GRIN2C: variants seen among roughly 807,000 people sequenced by gnomAD.
The protein encoded by GRIN2C is glutamate receptor ionotropic, NMDA 2C.
In GRIN2C, 64 loss-of-function variants were observed where a neutral mutation model predicts 77.7. The ratio of observed to expected loss-of-function variants is 0.82; its 90% CI spans 0.67 to 1.01. The LOEUF is 1.01. Ranked by LOEUF, GRIN2C falls within the 50% of genes least tolerant of loss-of-function variation. GRIN2C has a pLI of 0.00. For missense variants in GRIN2C, 1,549 were observed against 1,486.0 expected (o/e 1.04, Z -0.70); for synonymous variants, 792 against 643.4 (o/e 1.23, Z -3.49).
chr17:74,845,090 TG>T (rs1425622427), intron 11 of GRIN2C, among the ~76,000 whole-genome samples: 2 of 151,190 alleles, frequency 1.3e-5, no homozygotes, highest in Admixed American at 6.6e-5. Context: ...CCACCACACC[TG>T]GCTAATTTTT....
rs775823808 is a variant in GRIN2C at position 74,849,752 on chromosome 17, A to C, written c.1645+28T>G. On this transcript the variant is annotated intron_variant, in intron 7 of 12. Coordinates refer to ENST00000293190, the MANE Select transcript of GRIN2C (RefSeq NM_000835.6). This position sits in a 1 kb window ranked among gnomAD's most constrained non-coding sequence, Gnocchi z 4.6. ...TCCTCGTGGGCCCCTCTGCCCCCGG[A>C]GCCGTCTCTGCCCACCCTGGGCCTC... is the stretch of plus-strand genomic sequence containing the variant. 1.9e-6 allele frequency: 3 copies of C among 1,597,330 alleles called. No homozygotes were observed. Among genetic ancestry groups the C allele is most frequent in the Non-Finnish European group, 2.6e-6 (3 of 1,175,008 alleles).
chr17:74,859,321 C>A lies in GRIN2C; in HGVS notation c.-16+423G>T, dbSNP rs112047077. On this transcript the variant is annotated intron_variant, in intron 1 of 12. Transcript: ENST00000293190. This position sits in a 1 kb window ranked among gnomAD's most constrained non-coding sequence, Gnocchi z 5.9. The stretch of plus-strand genomic sequence containing the variant: ...AGAAGGGTCTGAGCACCTTCCCAGG[C>A]TGGGGGCCTTCTCCTTCCCGGGTCC... 1.1e-3 allele frequency among the ~76,000 whole-genome samples: 169 copies of A among 152,320 alleles called. 1 individual carries two copies. The highest frequency in any genetic ancestry group is 2.0e-3 in the Non-Finnish European group (139 of 68,024).
In GRIN2C at chr17:74,843,519, A is replaced by C. The variant is rs761544024; in HGVS notation, c.2618T>G (p.Leu873Arg). The C allele has an allele frequency of 2.6e-6, 4 of 1,533,210 alleles. No individual in the cohort carries two copies. The South Asian group carries it at 4.8e-5, about 18-fold the overall frequency. 95.0% of individuals were successfully genotyped at this position (1,533,210 alleles called of 1,614,324 possible). Reference sequence around the variant, plus strand: ...GCTGGCCTGCCGCGGTGGGCTGGCGAGGCTCTGCACCCCGCTGAAGCAGCT... The same window carrying C: ...GCTGGCCTGCCGCGGTGGGCTGGCGCGGCTCTGCACCCCGCTGAAGCAGCT... ...IYSCFSGVQSLASPPRQASPD... is the reference protein window; with the variant it reads ...IYSCFSGVQSRASPPRQASPD... Residue 873 changes from leucine (L) to arginine (R), a missense_variant, in exon 13 of 13, where the codon CTC becomes CGC. Physicochemically the swap from Leu to Arg is moderately radical, Grantham distance 102 (BLOSUM62 -2). Transcript: ENST00000293190.
In GRIN2C at chr17:74,846,161, T is replaced by C. The variant is rs749397191; in HGVS notation, c.2255A>G (p.Lys752Arg). The C allele has an allele frequency of 5.0e-6, 8 of 1,614,172 alleles. No individual in the cohort carries two copies. The highest frequency in any genetic ancestry group is 1.6e-4 in the Middle Eastern group (1 of 6,062). ...GCCGTAGCCAGTGGTAGCAAAGACC[T>C]TGCCAGACCCAATGGTGACCAGCTT... is the stretch of plus-strand genomic sequence containing the variant. ...GCKLVTIGSG[K>R]VFATTGYGIA... The change falls in exon 11 of 13, where the codon AAG becomes AGG. Residue 752 changes from lysine (K) to arginine (R), a missense_variant. Physicochemically the swap from Lys to Arg is conservative, Grantham distance 26. This residue lies in a region of GRIN2C where 717 missense variants were observed against 858.1 expected (regional missense o/e 0.84). Transcript: ENST00000293190. The surrounding 1 kb of genome is among the most constrained non-coding windows in gnomAD (Gnocchi z 4.4).
In GRIN2C at chr17:74,846,833, G is replaced by C; in HGVS notation, c.2089C>G (p.Arg697Gly). 3 of 1,614,158 alleles carry C rather than the reference G, an allele frequency of 1.9e-6. No homozygotes were observed. The highest frequency in any genetic ancestry group is 2.5e-6 in the Non-Finnish European group (3 of 1,180,024). The change falls in exon 10 of 13, where the codon CGT (arginine) becomes GGT (glycine). Residue 697 changes from arginine to glycine, a missense_variant. By Grantham distance (125) the Arg-to-Gly change is moderately radical (BLOSUM62 -2). This residue lies in a region of GRIN2C where 717 missense variants were observed against 858.1 expected (regional missense o/e 0.84). Transcript: ENST00000293190. This position sits in a 1 kb window ranked among gnomAD's most constrained non-coding sequence, Gnocchi z 4.4. ...TTGACCATGTGGGTGTGCATGTCAC[G>C]GTAGTTACTGCGGATGTTCCGCTCC... ...STERNIRSNY[R>G]DMHTHMVKFN...
Position 74,852,566 on chromosome 17 carries a change from G to GCTGCTC in GRIN2C, c.439_444dup (p.Glu147_Gln148dup). 1 of 1,499,950 alleles carries GCTGCTC rather than the reference G, an allele frequency of 6.7e-7. No homozygotes were observed. Among genetic ancestry groups the GCTGCTC allele is most frequent in the South Asian group, 1.3e-5 (1 of 77,522 alleles). 92.9% of individuals were successfully genotyped at this position (1,499,950 alleles called of 1,614,324 possible). On this transcript the variant is annotated inframe_insertion, in exon 3 of 13. Transcript: ENST00000293190. ...AGCACCTTGAACAGCACCTGCAGCT[G>GCTGCTC]CTGCTCCAGGGACACGCCCAGCTGC...
intron 4 of GRIN2C, chr17:74,851,006 C>T: frequency 1.7e-6 from 1 of 577,764 alleles, no homozygotes; most frequent in Non-Finnish European, 3.1e-6. Context: ...CTGTACTGGT[C>T]CCCCCTGACT....
rs185536398 is a variant in GRIN2C, at chr17:74,847,648, G to A, written c.1772-111C>T. On this transcript the variant is annotated intron_variant, in intron 8 of 12. Transcript: ENST00000293190. The surrounding 1 kb of genome is among the most constrained non-coding windows in gnomAD (Gnocchi z 5.2). ...CCGGTCTCAGCCTGGCCTTGGGGGG[G>A]ACGCGTCCTGGCCATTCCCTCGCCA... 1.0e-3 allele frequency: 955 copies of A among 921,186 alleles called. 1 individual carries two copies. The highest frequency in any genetic ancestry group is 1.4e-3 in the Non-Finnish European group (827 of 597,294). 57.1% of individuals were successfully genotyped at this position (921,186 alleles called of 1,614,324 possible).
At position 74,843,312 on chromosome 17, in the gene GRIN2C, G is replaced by T; in HGVS notation, c.2825C>A (p.Pro942His). Reference sequence around the variant, plus strand: ...GTCGGGGGTGGGCAGGCATGGGCTGGGGCCAGACCGCGGGGTCGGGCAGGG... The same window carrying T: ...GTCGGGGGTGGGCAGGCATGGGCTGTGGCCAGACCGCGGGGTCGGGCAGGG... ...PSPCPTPRSG[P>H]SPCLPTPDPP... The change falls in exon 13 of 13, where the codon CCC (proline) becomes CAC (histidine). Residue 942 changes from proline to histidine, a missense_variant. Physicochemically the swap from Pro to His is moderately conservative, Grantham distance 77 (BLOSUM62 -2). Around this residue, in one of 3 missense-constraint regions of GRIN2C, gnomAD observed 450 missense variants for 267.9 expected, o/e 1.68. Coordinates refer to ENST00000293190, the MANE Select transcript of GRIN2C (RefSeq NM_000835.6). 1 of 1,405,452 alleles carries T rather than the reference G, an allele frequency of 7.1e-7. No individual in the cohort carries two copies. The highest frequency in any genetic ancestry group is 9.6e-7 in the Non-Finnish European group (1 of 1,043,194). The allele number at this position is 1,405,452 out of a possible 1,614,324, so 87.1% of individuals were successfully genotyped here.
At position 74,859,468 on chromosome 17, in the gene GRIN2C, A is replaced by C. The variant is rs1287607903; in HGVS notation, c.-16+276T>G. Among the ~76,000 whole-genome samples, 2 of 151,902 alleles carry C rather than the reference A, an allele frequency of 1.3e-5. No individual in the cohort carries two copies. Among genetic ancestry groups the C allele is most frequent in the Non-Finnish European group, 2.9e-5 (2 of 67,942 alleles). The stretch of plus-strand genomic sequence containing the variant: ...CTCCCAGGCTAGGAAACTCTGTCGC[A>C]GGAGTCCTCCCCACCCACCAGCAGA... On this transcript the variant is annotated intron_variant, in intron 1 of 12. Coordinates refer to ENST00000293190, the MANE Select transcript of GRIN2C (RefSeq NM_000835.6). The surrounding 1 kb of genome is among the most constrained non-coding windows in gnomAD (Gnocchi z 5.9).
Position 74,852,131 on chromosome 17 carries a change from C to G in GRIN2C, c.880G>C (p.Ala294Pro). ...CTGTGGGCGCCCAGGGCCAGAATGG[C>G]CACGCCGTCGCGCACCTTCTGGCGC... ...SLRQKVRDGV[A>P]ILALGAHSYW... Residue 294 changes from alanine to proline, a missense_variant, in exon 3 of 13, where the codon GCC becomes CCC. By Grantham distance (27) the Ala-to-Pro change is conservative. Around this residue, in one of 3 missense-constraint regions of GRIN2C, gnomAD observed 717 missense variants for 858.1 expected, o/e 0.84. Coordinates refer to ENST00000293190, the MANE Select transcript of GRIN2C (RefSeq NM_000835.6). 6.9e-7 allele frequency: 1 copy of G among 1,457,518 alleles called. No homozygotes were observed. The highest frequency in any genetic ancestry group is 9.1e-7 in the Non-Finnish European group (1 of 1,104,558). 90.3% of individuals were successfully genotyped at this position (1,457,518 alleles called of 1,614,324 possible).
rs1470850119 is a variant in GRIN2C at position 74,846,120 on chromosome 17, C to G, written c.2296G>C (p.Asp766His). 1 of 1,614,196 alleles carries G rather than the reference C, an allele frequency of 6.2e-7. No homozygotes were observed. Residue 766 changes from aspartate to histidine, a missense_variant, in exon 11 of 13, where the codon GAC becomes CAC. Asp to His is a moderately conservative substitution (Grantham distance 81). Coordinates refer to ENST00000293190, the MANE Select transcript of GRIN2C (RefSeq NM_000835.6). The surrounding 1 kb of genome is among the most constrained non-coding windows in gnomAD (Gnocchi z 4.4). ...TCTATGGCCCGCTTCCAGTGGGAGT[C>G]CTTCTGCATGGCGATGCCGTAGCCA... ...TTGYGIAMQK[D>H]SHWKRAIDLA...
Position 74,842,358 on chromosome 17 carries a change from C to G in GRIN2C, c.*77G>C. 1.4e-6 allele frequency: 1 copy of G among 697,830 alleles called. No homozygotes were observed. The highest frequency in any genetic ancestry group is 2.6e-6 in the Non-Finnish European group (1 of 379,446). 43.2% of individuals were successfully genotyped at this position (697,830 alleles called of 1,614,324 possible). Reference sequence around the variant, plus strand: ...ATTTCATGGCAGAAGCCAGAAAAGCCCAATCCTGCCTGCCGCTTAACCCTG... The same window carrying G: ...ATTTCATGGCAGAAGCCAGAAAAGCGCAATCCTGCCTGCCGCTTAACCCTG... On this transcript the variant is annotated 3_prime_UTR_variant, in exon 13 of 13. Coordinates refer to ENST00000293190, the MANE Select transcript of GRIN2C (RefSeq NM_000835.6).
Position 74,843,357 on chromosome 17 carries a change from C to G in GRIN2C, c.2780G>C (p.Arg927Pro). 1 of 1,521,534 alleles carries G rather than the reference C, an allele frequency of 6.6e-7. No individual in the cohort carries two copies. The allele number at this position is 1,521,534 out of a possible 1,614,324, so 94.3% of individuals were successfully genotyped here. The change falls in exon 13 of 13, where the codon CGC (arginine) becomes CCC (proline). Residue 927 changes from arginine (R) to proline (P), a missense_variant. Physicochemically the swap from Arg to Pro is moderately radical, Grantham distance 103. Around this residue, in one of 3 missense-constraint regions of GRIN2C, gnomAD observed 450 missense variants for 267.9 expected, o/e 1.68. Coordinates refer to ENST00000293190, the MANE Select transcript of GRIN2C (RefSeq NM_000835.6). ...GCAGGGGGACGGTGGGGGCGCACGG[C>G]GGCCGCCACCCCAATTCTCGATGGT... ...TRTIENWGGG[R>P]RAPPPSPCPT...
chr17:74,853,405 A>G (rs2037722754), intron 2 of GRIN2C: 1 of 152,252 alleles, frequency 6.6e-6, no homozygotes, highest in Admixed American at 6.5e-5. Flanking sequence ...ACCAACCGGC[A>G]CGTGTGGACC....
At position 74,855,100 on chromosome 17, in the gene GRIN2C, G is replaced by A. The variant is rs200066594; in HGVS notation, c.-8C>T. On this transcript the variant is annotated 5_prime_UTR_variant, in exon 2 of 13. Transcript: ENST00000293190. ...CCCCAGGGCCCCACCCATGTCCACC[G>A]GAGGGTCCTGCGGAGAGACCAGAAC... The A allele has an allele frequency of 1.1e-3, 1,786 of 1,574,706 alleles. 2 individuals carry two copies. The highest frequency in any genetic ancestry group is 1.3e-3 in the Non-Finnish European group (1,510 of 1,166,806).
rs61740921 is a variant in GRIN2C, at chr17:74,846,089, G to A, written c.2327C>T (p.Ala776Val). 9.6e-4 allele frequency: 1,544 copies of A among 1,614,120 alleles called. 8 individuals carry two copies. In the African/African-American group the frequency reaches 0.014, roughly 14 times the overall value. ...DSHWKRAIDL[A>V]LLQFLGDGET... ...ACCGTCCCCCAGGAACTGCAAGAGC[G>A]CCAGGTCTATGGCCCGCTTCCAGTG... is the stretch of plus-strand genomic sequence containing the variant. The change falls in exon 11 of 13, where the codon GCG (alanine) becomes GTG (valine). Residue 776 changes from alanine to valine, a missense_variant. This residue lies in a region of GRIN2C where 717 missense variants were observed against 858.1 expected (regional missense o/e 0.84). Coordinates refer to ENST00000293190, the MANE Select transcript of GRIN2C (RefSeq NM_000835.6). This position sits in a 1 kb window ranked among gnomAD's most constrained non-coding sequence, Gnocchi z 4.4.
chr17:74,852,199 A>G lies in GRIN2C; in HGVS notation c.812T>C (p.Val271Ala). ...STDAPPATFP[V>A]GLISVVTESW... Reference sequence around the variant, plus strand: ...CTCGGTGACGACGCTGATGAGGCCCACGGGGAAGGTGGCGGGGGGCGCATC... The same window carrying G: ...CTCGGTGACGACGCTGATGAGGCCCGCGGGGAAGGTGGCGGGGGGCGCATC... The change falls in exon 3 of 13, where the codon GTG (valine) becomes GCG (alanine). Residue 271 changes from valine (V) to alanine (A), a missense_variant. Around this residue, in one of 3 missense-constraint regions of GRIN2C, gnomAD observed 717 missense variants for 858.1 expected, o/e 0.84. Coordinates refer to ENST00000293190, the MANE Select transcript of GRIN2C (RefSeq NM_000835.6). 1 of 1,450,812 alleles carries G rather than the reference A, an allele frequency of 6.9e-7. No individual in the cohort carries two copies. Among genetic ancestry groups the G allele is most frequent in the Non-Finnish European group, 9.1e-7 (1 of 1,103,944 alleles). 89.9% of individuals were successfully genotyped at this position (1,450,812 alleles called of 1,614,324 possible).
intron 1 of GRIN2C, among the ~76,000 whole-genome samples, chr17:74,858,622 C>T (rs1319481674): frequency 6.9e-6 from 1 of 144,716 alleles, no homozygotes; most frequent in African/African-American, 2.6e-5. Flanking sequence ...CCCACCTACC[C>T]ACCCCCGCCA....
Sources: gnomAD v4.1 joint callset for allele counts (sites outside exome capture counted in the v4.1 genomes callset) on GRCh38, gnomAD v4.1.1 for gene constraint, gnomAD v4.1.1 regional missense constraint, Gnocchi (gnomAD v3.1) non-coding constraint, MANE v1.5 for transcripts, NCBI Gene and HGNC (gene_info 2026-07-23, HGNC 2026-07-21) for gene names.